TPR: variants seen among roughly 807,000 people sequenced by gnomAD.
TPR encodes translocated promoter region, nuclear basket protein, also known as nucleoprotein TPR.
TPR carries 51 observed loss-of-function variants against 316.1 expected under a neutral mutation model. The ratio of observed to expected loss-of-function variants is 0.16; its 90% CI spans 0.13 to 0.20. The LOEUF (loss-of-function observed/expected upper bound fraction) is 0.20, where lower values mean the gene tolerates loss of function less well. Among genes scored for constraint, TPR ranks in the 10% least tolerant of loss-of-function variants. The pLI, the probability that TPR is intolerant of heterozygous loss-of-function variation, is 1.00. For synonymous variants in TPR, 981 were observed against 914.7 expected (o/e 1.07, Z -1.31); for missense variants, 2,272 against 2,754.8 (o/e 0.82, Z 3.92).
Position 186,360,202 on chromosome 1 carries a change from T to C in TPR, c.1191+71A>G. 9.9e-6 allele frequency: 15 copies of C among 1,521,392 alleles called. No individual in the cohort carries two copies. The South Asian group carries it at 1.8e-4, about 18-fold the overall frequency. The allele number at this position is 1,521,392 out of a possible 1,614,324, so 94.2% of individuals were successfully genotyped here. On this transcript the variant is annotated intron_variant, in intron 11 of 50. Coordinates refer to ENST00000367478, the MANE Select transcript of TPR (RefSeq NM_003292.3). The stretch of plus-strand genomic sequence containing the variant: ...ATTTTAAAAATAAGTTTTGGGAGAA[T>C]TAAATTTTGAAGAGATTTGTATACA...
intron 32 of TPR, 125 bp downstream of exon 32, chr1:186,336,888 T>C: frequency 6.8e-7 from 1 of 1,464,004 alleles, no homozygotes; most frequent in East Asian, 2.3e-5. Context: ...ACATGAGCCA[T>C]TCAAAGTAAA....
chr1:186,331,430 C>T (rs1275890159), intron 39 of TPR, 68 bp downstream of exon 39: 9 of 1,068,820 alleles, frequency 8.4e-6, no homozygotes, highest in Non-Finnish European at 1.2e-5. Context: ...AATAATGTTT[C>T]AATTTGTCAA....
rs762584904 is a variant in TPR, at chr1:186,313,637, ATTG to A, written c.*331_*333del. On this transcript the variant is annotated 3_prime_UTR_variant, in exon 51 of 51. Coordinates refer to ENST00000367478, the MANE Select transcript of TPR (RefSeq NM_003292.3). ...ACATAAGTTATTTTTTAGTTTGGGC[ATTG>A]TTTTCTTTTTAACTAAAAAAATGTT... is the stretch of plus-strand genomic sequence containing the variant. The A allele has an allele frequency of 6.0e-6, 7 of 1,164,002 alleles. No individual in the cohort carries two copies. Among genetic ancestry groups the A allele is most frequent in the Non-Finnish European group, 9.1e-6 (7 of 770,008 alleles). 72.1% of individuals were successfully genotyped at this position (1,164,002 alleles called of 1,614,324 possible).
In TPR at chr1:186,332,299, C is replaced by A; in HGVS notation, c.5500G>T (p.Glu1834Ter). 6.2e-7 allele frequency: 1 copy of A among 1,612,740 alleles called. No individual in the cohort carries two copies. Residue 1834 changes from glutamate to a stop codon, truncating the protein, a stop_gained, in exon 38 of 51, where the codon GAG becomes TAG. Transcript: ENST00000367478. LOFTEE classifies it high-confidence loss of function. ...SSSLPKRTRE[E>*]EEDSTIEASD... Reference sequence around the variant, plus strand: ...GCTTCTATGGTGCTATCCTCTTCCTCTTCACGTGTACGCTTTGGCAAAGAA... The same window carrying A: ...GCTTCTATGGTGCTATCCTCTTCCTATTCACGTGTACGCTTTGGCAAAGAA...
intron 13 of TPR, 136 bp downstream of exon 13, chr1:186,358,407 A>G (rs537877269): frequency 1.5e-5 from 9 of 595,974 alleles, no homozygotes; most frequent in Non-Finnish European, 1.9e-5. Flanking sequence ...TGGGGGTGCA[A>G]CTCTGCTCGA....
intron 45 of TPR, 40 bp downstream of exon 45, chr1:186,322,278 T>C (rs773470612): frequency 7.8e-6 from 12 of 1,544,516 alleles, no homozygotes; most frequent in African/African-American, 2.8e-5. Flanking sequence ...GACTAAAAGT[T>C]TGATTAGTTA....
rs552559850 is a variant in TPR, at chr1:186,358,337, C to T, written c.1497+206G>A. Reference sequence around the variant, plus strand: ...ATTTCTTCATTTATTACAACCAACACGTATAATTTAAAAATTTATCAAACA... The same window carrying T: ...ATTTCTTCATTTATTACAACCAACATGTATAATTTAAAAATTTATCAAACA... On this transcript the variant is annotated intron_variant, in intron 13 of 50. Transcript: ENST00000367478. 7.9e-5 allele frequency among the ~76,000 whole-genome samples: 12 copies of T among 152,004 alleles called. No homozygotes were observed. In the East Asian group the frequency reaches 2.3e-3, roughly 29 times the overall value.
At chr1:186,356,255 T>C (rs1659026228) in intron 15 of TPR, 31 bp downstream of exon 15, 4 of 1,543,256 alleles carry the variant, frequency 2.6e-6, no homozygotes, top group Non-Finnish European at 3.5e-6. Flanking sequence ...ATTTCTAAAT[T>C]ATTCCTTAAA....
chr1:186,372,850 T>C lies in TPR; in HGVS notation c.256+509A>G, dbSNP rs138309749. Among the ~76,000 whole-genome samples, 16 of 152,250 alleles carry C rather than the reference T, an allele frequency of 1.1e-4. No homozygotes were observed. In the East Asian group the frequency reaches 2.9e-3, roughly 28 times the overall value. On this transcript the variant is annotated intron_variant, in intron 2 of 50. Transcript: ENST00000367478. ...TCAATCTTTTATAGGAATTAGGCCT[T>C]AAAGGGGAAATATCCTGAGATTCAT...
intron 39 of TPR, 103 bp downstream of exon 39, chr1:186,331,395 G>T: frequency 1.3e-6 from 1 of 753,658 alleles, no homozygotes; most frequent in Non-Finnish European, 2.1e-6. Context: ...CATATAATAA[G>T]AACAAGCTAA....
At chr1:186,329,698 C>T (rs541520845) in intron 39 of TPR, among the ~76,000 whole-genome samples, 3 of 152,224 alleles carry the variant, frequency 2.0e-5, no homozygotes, top group Admixed American at 2.0e-4. Flanking sequence ...ACATAATCAT[C>T]TGAAGATTTA....
chr1:186,345,926 C>A (rs1658663749), intron 23 of TPR, among the ~76,000 whole-genome samples: 1 of 152,014 alleles, frequency 6.6e-6, no homozygotes. Flanking sequence ...TAAAAAGAAC[C>A]AGTGATACCT....
At chr1:186,372,533 C>T (rs919909058) in intron 2 of TPR, among the ~76,000 whole-genome samples, 2 of 151,852 alleles carry the variant, frequency 1.3e-5, no homozygotes, top group African/African-American at 4.8e-5. Flanking sequence ...CACAGTGAGA[C>T]TCTGTCTCCA....
In TPR at chr1:186,360,014, G is replaced by T; in HGVS notation, c.1192-18C>A. ...TTATAGAGCTGAAAGTAGACAAAGG[G>T]TTGTTTCAAATCTAACCATAACAAC... On this transcript the variant is annotated intron_variant, in intron 11 of 50. Transcript: ENST00000367478. 3.8e-6 allele frequency: 6 copies of T among 1,599,974 alleles called. No individual in the cohort carries two copies. Among genetic ancestry groups the T allele is most frequent in the Non-Finnish European group, 5.1e-6 (6 of 1,176,378 alleles).
rs750534595 is a variant in TPR, at chr1:186,332,347, T to A, written c.5456-4A>T. The stretch of plus-strand genomic sequence containing the variant: ...GAAGAACTGGGGGTAGCCGAAACTT[T>A]GAAATTATATAAATCTTGAATTAGA... On this transcript the variant is annotated splice_polypyrimidine_tract_variant and splice_region_variant and intron_variant, in intron 37 of 50. Coordinates refer to ENST00000367478, the MANE Select transcript of TPR (RefSeq NM_003292.3). 2 of 1,611,310 alleles carry A rather than the reference T, an allele frequency of 1.2e-6. No homozygotes were observed. Among genetic ancestry groups the A allele is most frequent in the Admixed American group, 3.3e-5 (2 of 59,702 alleles).
At chr1:186,361,398 A>AAAACAAACAAAAC (rs1659183383) in intron 9 of TPR, among the ~76,000 whole-genome samples, 1 of 151,966 alleles carries the variant, frequency 6.6e-6, no homozygotes, top group Non-Finnish European at 1.5e-5. Flanking sequence ...TATTAGATAA[A>AAAACAAACAAAAC]AAACAAACAA....
chr1:186,328,700 C>G (rs1229644997), intron 39 of TPR, among the ~76,000 whole-genome samples: 4 of 152,128 alleles, frequency 2.6e-5, no homozygotes, highest in Non-Finnish European at 1.5e-5. Context: ...TATCATTGTC[C>G]TTTTACAAAG....
At chr1:186,342,250 G>A (rs1053486392) in intron 27 of TPR, 3 of 152,396 alleles carry the variant, frequency 2.0e-5, no homozygotes, top group Non-Finnish European at 4.4e-5. Flanking sequence ...TGGGATTACA[G>A]GCATGAGCCA....
chr1:186,329,431 A>G (rs771457261), intron 39 of TPR, among the ~76,000 whole-genome samples: 2 of 152,198 alleles, frequency 1.3e-5, no homozygotes, highest in East Asian at 1.9e-4. Context: ...TGAGACAGCT[A>G]TAAGATGCAA....
Sources: gnomAD v4.1 joint callset for allele counts (sites outside exome capture counted in the v4.1 genomes callset) on GRCh38, gnomAD v4.1.1 for gene constraint, MANE v1.5 for transcripts, NCBI Gene and HGNC (gene_info 2026-07-23, HGNC 2026-07-21) for gene names.